The following RANBP2 variants were observed in gnomAD, a reference collection of about 807,000 sequenced individuals.
RANBP2 encodes the protein RAN binding protein 2.
Under a neutral mutation model 303.6 loss-of-function variants are expected in RANBP2, and 57 were observed. That is an observed-to-expected ratio of 0.19 (90% confidence interval 0.15 to 0.23). The LOEUF (loss-of-function observed/expected upper bound fraction) is 0.23. Among genes scored for constraint, RANBP2 ranks in the 10% least tolerant of loss-of-function variants. The pLI is 1.00. For missense variants in RANBP2, 3,138 were observed against 3,780.8 expected (o/e 0.83, Z 4.46); for synonymous variants, 1,167 against 1,301.5 (o/e 0.90, Z 2.23).
chr2:108,953,563 A>C, the RANBP2 span, among the ~76,000 whole-genome samples: 1 of 152,106 alleles, frequency 6.6e-6, no homozygotes, highest in Non-Finnish European at 1.5e-5. Context: ...ACCTGATGAC[A>C]GTTGCAGTTA....
chr2:109,613,246 A>T, the RANBP2 span: 2 of 1,200,242 alleles, frequency 1.7e-6, no homozygotes, highest in Non-Finnish European at 2.2e-6. Flanking sequence ...GGTTCAAAAC[A>T]GTGAACAAAC....
At chr2:109,036,220 T>C in the RANBP2 span, among the ~76,000 whole-genome samples, 2 of 152,328 alleles carry the variant, frequency 1.3e-5, no homozygotes, top group African/African-American at 4.8e-5. Flanking sequence ...ATTAAAGTTA[T>C]AAGCAAACGG....
At chr2:109,228,545 A>ATGGACCC in the RANBP2 span, among the ~76,000 whole-genome samples, 8 of 152,146 alleles carry the variant, frequency 5.3e-5, no homozygotes, top group African/African-American at 1.7e-4. Flanking sequence ...TGGAGCTAGT[A>ATGGACCC]TGGACCCTGC....
chr2:109,476,225 A>G, the RANBP2 span, among the ~76,000 whole-genome samples: 1 of 152,202 alleles, frequency 6.6e-6, no homozygotes, highest in Non-Finnish European at 1.5e-5. Flanking sequence ...TGCCCCCACC[A>G]GGCCTGCTAG....
At chr2:109,396,918 C>G in the RANBP2 span, among the ~76,000 whole-genome samples, 1 of 152,248 alleles carries the variant, frequency 6.6e-6, no homozygotes, top group East Asian at 1.9e-4. Context: ...GACTCACTGC[C>G]TCTCTCCTCT....
chr2:109,149,230 C>G, the RANBP2 span, among the ~76,000 whole-genome samples: 7 of 152,152 alleles, frequency 4.6e-5, no homozygotes, highest in African/African-American at 1.7e-4. Flanking sequence ...TTTATTCGGA[C>G]TTCTCTAGTC....
the RANBP2 span, among the ~76,000 whole-genome samples, chr2:109,330,597 C>T: frequency 6.6e-6 from 1 of 152,028 alleles, no homozygotes; most frequent in East Asian, 1.9e-4. Flanking sequence ...TGGATGGATG[C>T]ATGGTGGGTC....
the RANBP2 span, chr2:109,553,154 T>C: frequency 6.2e-7 from 1 of 1,614,140 alleles, no homozygotes; most frequent in South Asian, 1.1e-5. Flanking sequence ...CTGTTTCATT[T>C]CTTCTTCCTT....
the RANBP2 span, among the ~76,000 whole-genome samples, chr2:108,970,002 C>A: frequency 6.6e-6 from 1 of 152,150 alleles, no homozygotes; most frequent in East Asian, 1.9e-4. Context: ...TCTAGCCAGC[C>A]CAGCACAGGC....
the RANBP2 span, chr2:109,545,910 C>G: frequency 6.9e-7 from 1 of 1,445,294 alleles, no homozygotes. Flanking sequence ...GACAAGGTCT[C>G]TCCTCTCCAG....
the RANBP2 span, among the ~76,000 whole-genome samples, chr2:109,416,954 G>T: frequency 5.9e-5 from 9 of 151,978 alleles, no homozygotes; most frequent in African/African-American, 2.2e-4. Context: ...TGGCCACCTG[G>T]ATTGCAAGCC....
chr2:108,748,955 G>C lies in RANBP2; in HGVS notation c.1099G>C (p.Asp367His). Residue 367 changes from aspartate to histidine, a missense_variant, in exon 9 of 29, where the codon GAT (aspartate) becomes CAT (histidine). This residue lies in a region of RANBP2 where 95 missense variants were observed against 86.4 expected (regional missense o/e 1.10). Transcript: ENST00000283195. ...GCTAAACTTAAGTCGTGGCAAGCAA[G>C]ATTTTTTAAAAGAGATTGTTGAAAC... is the stretch of plus-strand genomic sequence containing the variant. ...MLLNLSRGKQ[D>H]FLKEIVETFA... The C allele has an allele frequency of 3.1e-6, 5 of 1,611,964 alleles. No homozygotes were observed. The highest frequency in any genetic ancestry group is 4.2e-6 in the Non-Finnish European group (5 of 1,179,836).
chr2:109,469,362 C>T, the RANBP2 span, among the ~76,000 whole-genome samples: 1 of 151,942 alleles, frequency 6.6e-6, no homozygotes, highest in Non-Finnish European at 1.5e-5. Context: ...CTTTACTAGC[C>T]CCCGTGCTTT....
chr2:109,051,617 A>G, the RANBP2 span, among the ~76,000 whole-genome samples: 4 of 152,180 alleles, frequency 2.6e-5, no homozygotes, highest in African/African-American at 9.7e-5. Context: ...TACATTAAAG[A>G]GTGTTTTGTT....
At chr2:108,948,405 G>T in the RANBP2 span, among the ~76,000 whole-genome samples, 3 of 152,056 alleles carry the variant, frequency 2.0e-5, no homozygotes, top group African/African-American at 7.2e-5. Context: ...AAATTTTCAG[G>T]TTGTCTTTAT....
chr2:109,614,912 C>A, the RANBP2 span: 1 of 1,459,360 alleles, frequency 6.9e-7, no homozygotes, highest in Non-Finnish European at 9.0e-7. Flanking sequence ...AGCCCCCCGC[C>A]CCCGCGCACT....
At chr2:109,007,780 C>T in the RANBP2 span, among the ~76,000 whole-genome samples, 3 of 152,110 alleles carry the variant, frequency 2.0e-5, no homozygotes, top group Admixed American at 6.5e-5. Flanking sequence ...CTTTTCTGTG[C>T]GTTCTTAGAG....
chr2:109,254,157 A>G, the RANBP2 span, among the ~76,000 whole-genome samples: 1 of 152,164 alleles, frequency 6.6e-6, no homozygotes, highest in East Asian at 1.9e-4. Context: ...CTTAGAGGAA[A>G]ACATGAAGAA....
chr2:109,071,489 C>T, the RANBP2 span, among the ~76,000 whole-genome samples: 1 of 152,078 alleles, frequency 6.6e-6, no homozygotes, highest in Non-Finnish European at 1.5e-5. Context: ...GCCTGGCCAA[C>T]ATGGTGAAAC....
Sources: gnomAD v4.1 joint callset for allele counts (sites outside exome capture counted in the v4.1 genomes callset) on GRCh38, gnomAD v4.1.1 for gene constraint, gnomAD v4.1.1 regional missense constraint, MANE v1.5 for transcripts, NCBI Gene and HGNC (gene_info 2026-07-23, HGNC 2026-07-21) for gene names.